Variants in MSH3 observed in about 807,000 individuals in gnomAD.
MSH3 encodes the protein mutS homolog 3, also known as DNA mismatch repair protein Msh3.
A neutral mutation model predicts 123.3 loss-of-function variants in MSH3; 106 were observed. The observed-to-expected ratio is 0.86, with a 90% CI of 0.73 to 1.01. MSH3 has a LOEUF of 1.01. Ranked by LOEUF, MSH3 falls within the 50% of genes least tolerant of loss-of-function variation. The probability of loss-of-function intolerance (pLI) is 0.00; values close to 1 mark genes in which losing one functional copy is unlikely to be tolerated. For synonymous variants in MSH3, 515 were observed against 481.4 expected, an observed-to-expected ratio of 1.07 and a Z score of -0.91; for missense variants, 1,459 against 1,347.6, an observed-to-expected ratio of 1.08 and a Z score of -1.29.
intron 8 of MSH3, among the ~76,000 whole-genome samples, chr5:80,719,126 CA>C (rs1751024332): frequency 6.6e-6 from 1 of 151,568 alleles, no homozygotes; most frequent in Non-Finnish European, 1.5e-5. Flanking sequence ...CGGCTCAGTG[CA>C]ACCCCCGCCT....
intron 8 of MSH3, among the ~76,000 whole-genome samples, chr5:80,680,762 C>T (rs1277806309): frequency 1.3e-5 from 2 of 152,056 alleles, no homozygotes; most frequent in Admixed American, 1.3e-4. Context: ...TGATTATTGG[C>T]TTTGAAGCAA....
At chr5:80,753,553 C>T (rs546695143) in intron 12 of MSH3, among the ~76,000 whole-genome samples, 2 of 152,224 alleles carry the variant, frequency 1.3e-5, no homozygotes, top group Middle Eastern at 3.4e-3. Context: ...CTCAACCTCA[C>T]GTTCTGATTG....
At chr5:80,734,124 AG>A (rs1743461957) in intron 10 of MSH3, among the ~76,000 whole-genome samples, 2 of 152,246 alleles carry the variant, frequency 1.3e-5, no homozygotes, top group South Asian at 4.1e-4. Context: ...AACCATAAAA[AG>A]GAATGAAGTA....
chr5:80,672,814 G>A lies in MSH3; in HGVS notation c.983G>A (p.Arg328Gln), dbSNP rs201336852. The change falls in exon 6 of 24, where the codon CGG becomes CAG. Residue 328 changes from arginine (R) to glutamine (Q), a missense_variant. Coordinates refer to ENST00000265081, the MANE Select transcript of MSH3 (RefSeq NM_002439.5). ...GACAACAGAAGTTCACTCTTTTCCCGGAAATTGACTGCCCTTTATACAAAA... is the reference window on the plus strand; with the variant it reads ...GACAACAGAAGTTCACTCTTTTCCCAGAAATTGACTGCCCTTTATACAAAA... The part of the protein sequence containing the change: ...IGDNRSSLFS[R>Q]KLTALYTKST... 22 of 1,613,016 alleles carry A rather than the reference G, an allele frequency of 1.4e-5. No individual in the cohort carries two copies. Among genetic ancestry groups the A allele is most frequent in the African/African-American group, 8.0e-5 (6 of 74,554 alleles).
intron 19 of MSH3, among the ~76,000 whole-genome samples, chr5:80,798,478 A>G (rs1002115116): frequency 6.6e-6 from 1 of 152,206 alleles, no homozygotes; most frequent in African/African-American, 2.4e-5. Flanking sequence ...AATATTCATA[A>G]GCTGTTGACA....
rs140749169 is a variant in MSH3, at chr5:80,665,324, A to G, written c.540A>G (p.Ala180=). 3 of 1,613,350 alleles carry G rather than the reference A, an allele frequency of 1.9e-6. No individual in the cohort carries two copies. Among genetic ancestry groups the G allele is most frequent in the Non-Finnish European group, 1.7e-6 (2 of 1,179,964 alleles). Residue 180 remains alanine, a synonymous_variant, in exon 3 of 24, where the codon GCA becomes GCG. Transcript: ENST00000265081. ...DDISLLHAKN[A]VSSEDSKRQI... is the part of the protein sequence containing the mutation. The stretch of plus-strand genomic sequence containing the variant: ...TCAGTCTTCTACACGCAAAGAATGC[A>G]GTTTCTTCTGAAGATTCGAAACGTC...
At chr5:80,670,978 C>T (rs6151636) in intron 4 of MSH3, among the ~76,000 whole-genome samples, 18,994 of 152,004 alleles carry the variant, frequency 0.12, 1,319 homozygotes, top group Middle Eastern at 0.2. Context: ...AAAAAATTAG[C>T]CCGGTGTGGT....
Position 80,799,586 on chromosome 5 carries a change from A to T in MSH3, c.2655+6742A>T, listed in dbSNP as rs201252042. 4.0e-4 allele frequency among the ~76,000 whole-genome samples: 21 copies of T among 52,946 alleles called. No homozygotes were observed. In the South Asian group the frequency reaches 9.3e-3, roughly 23 times the overall value. 34.7% of individuals were successfully genotyped at this position (52,946 alleles called of 152,430 possible). A position where few individuals can be genotyped will look rare whatever the true frequency, so the allele number is the denominator to read the frequency against. On this transcript the variant is annotated intron_variant, in intron 19 of 23. Transcript: ENST00000265081. ...AATTAACATGTGACAGTTTTATTTT[A>T]TTTTTTTTCTGCTGTACATCTGCTG...
At chr5:80,713,528 C>G (rs765698249) in intron 8 of MSH3, among the ~76,000 whole-genome samples, 1 of 152,172 alleles carries the variant, frequency 6.6e-6, no homozygotes, top group African/African-American at 2.4e-5. Context: ...TCTGTTCATG[C>G]TCCTCTCCAT....
At chr5:80,836,550 A>G (rs1464050421) in intron 20 of MSH3, among the ~76,000 whole-genome samples, 4 of 24,696 alleles carry the variant, frequency 1.6e-4, no homozygotes, top group African/African-American at 2.6e-4. Context: ...CCACAAAAAA[A>G]AAAAAAAAAA....
chr5:80,875,374 G>T (rs1237603845), intron 23 of MSH3, among the ~76,000 whole-genome samples: 1 of 151,902 alleles, frequency 6.6e-6, no homozygotes. Context: ...TAGCTTCATT[G>T]TTTTCGGTTG....
rs974762625 is a variant in MSH3 at position 80,679,060 on chromosome 5, C to T, written c.1307C>T (p.Thr436Ile). 5 of 1,614,078 alleles carry T rather than the reference C, an allele frequency of 3.1e-6. No individual in the cohort carries two copies. Among genetic ancestry groups the T allele is most frequent in the Non-Finnish European group, 4.2e-6 (5 of 1,180,010 alleles). Residue 436 changes from threonine (T) to isoleucine (I), a missense_variant, in exon 8 of 24, where the codon ACA becomes ATA. Coordinates refer to ENST00000265081, the MANE Select transcript of MSH3 (RefSeq NM_002439.5). ...CTTCCTTCGGCCTTGTCCGAGCAAACAGAGGCGCTCATCCACAGAGCCACA... is the reference window on the plus strand; with the variant it reads ...CTTCCTTCGGCCTTGTCCGAGCAAATAGAGGCGCTCATCCACAGAGCCACA... ...LLLPSALSEQ[T>I]EALIHRATSV... is the part of the protein sequence containing the mutation.
chr5:80,762,969 C>T lies in MSH3; in HGVS notation c.1896+1291C>T, dbSNP rs547925082. 4.6e-5 allele frequency among the ~76,000 whole-genome samples: 7 copies of T among 151,968 alleles called. No homozygotes were observed. The South Asian group carries it at 1.5e-3, about 32-fold the overall frequency. On this transcript the variant is annotated intron_variant, in intron 13 of 23. Transcript: ENST00000265081. ...TTAATCGATTCTTCTGTCTCAGCCT[C>T]CTGAGTAGCTGGGGTTACAGGCACC...
At chr5:80,691,374 A>G (rs372042212) in intron 8 of MSH3, among the ~76,000 whole-genome samples, 3 of 151,954 alleles carry the variant, frequency 2.0e-5, no homozygotes, top group African/African-American at 4.8e-5. Flanking sequence ...CTAAGACTCT[A>G]TTTACCAAAA....
intron 10 of MSH3, among the ~76,000 whole-genome samples, chr5:80,741,201 T>C (rs572415419): frequency 1.1e-4 from 16 of 152,272 alleles, no homozygotes; most frequent in Admixed American, 5.2e-4. Flanking sequence ...CAAAACAAAA[T>C]GTTGTTACCA....
chr5:80,757,643 G>T (rs1331843598), intron 12 of MSH3, among the ~76,000 whole-genome samples: 1 of 152,128 alleles, frequency 6.6e-6, no homozygotes, highest in Non-Finnish European at 1.5e-5. Flanking sequence ...GTTAATTTAA[G>T]TTGTATAGTA....
intron 14 of MSH3, among the ~76,000 whole-genome samples, chr5:80,768,341 TC>T (rs1744159540): frequency 6.6e-6 from 1 of 152,076 alleles, no homozygotes; most frequent in Non-Finnish European, 1.5e-5. Context: ...GATATAGTAC[TC>T]CCCCACATAT....
chr5:80,792,744 A>G lies in MSH3; in HGVS notation c.2555A>G (p.Gln852Arg), dbSNP rs1291821715. Residue 852 changes from glutamine to arginine, a missense_variant, in exon 19 of 24, where the codon CAA (glutamine) becomes CGA (arginine). Physicochemically the swap from Gln to Arg is conservative, Grantham distance 43. Transcript: ENST00000265081. ...TTTCTTTTTTGCAGACCAACTGTAC[A>G]AGAAGAAAGAAAAATTGTAATAAAA... ...KQGDYCRPTV[Q>R]EERKIVIKNG... is the part of the protein sequence containing the mutation. 6.2e-7 allele frequency: 1 copy of G among 1,609,924 alleles called. No individual in the cohort carries two copies. The highest frequency in any genetic ancestry group is 8.5e-7 in the Non-Finnish European group (1 of 1,176,510).
Position 80,737,976 on chromosome 5 carries a change from A to C in MSH3, c.1569-3488A>C, listed in dbSNP as rs183010154. Among the ~76,000 whole-genome samples the C allele has an allele frequency of 2.2e-3, 337 of 152,324 alleles. 2 individuals are homozygous for C. Among genetic ancestry groups the C allele is most frequent in the African/African-American group, 7.7e-3 (322 of 41,574 alleles). On this transcript the variant is annotated intron_variant, in intron 10 of 23. Coordinates refer to ENST00000265081, the MANE Select transcript of MSH3 (RefSeq NM_002439.5). ...AGATTACTTGTTTAGTAAGGACAAAAAGAAAAAACAAAAACACACACAGCA... is the reference window on the plus strand; with the variant it reads ...AGATTACTTGTTTAGTAAGGACAAACAGAAAAAACAAAAACACACACAGCA...
Sources: gnomAD v4.1 joint callset for allele counts (sites outside exome capture counted in the v4.1 genomes callset) on GRCh38, gnomAD v4.1.1 for gene constraint, MANE v1.5 for transcripts, NCBI Gene and HGNC (gene_info 2026-07-23, HGNC 2026-07-21) for gene names.